The following GNA12 variants were observed in gnomAD, a reference collection of about 807,000 sequenced individuals.
The protein encoded by GNA12 is guanine nucleotide-binding protein subunit alpha-12.
In GNA12, 9 loss-of-function variants were observed where a neutral mutation model predicts 26.0. The observed-to-expected ratio is 0.35, with a 90% CI of 0.21 to 0.60. The LOEUF (loss-of-function observed/expected upper bound fraction) is 0.60, where lower values mean the gene tolerates loss of function less well. Ranked by LOEUF, GNA12 falls within the 20% of genes least tolerant of loss-of-function variation. The pLI is 0.78. For missense variants in GNA12, 405 were observed against 525.8 expected (o/e 0.77, Z 2.25); for synonymous variants, 264 against 219.6 (o/e 1.20, Z -1.79).
chr7:2,829,124 A>G (rs1168926370), intron 1 of GNA12, among the ~76,000 whole-genome samples: 1 of 152,096 alleles, frequency 6.6e-6, no homozygotes, highest in Non-Finnish European at 1.5e-5. Context: ...TCATTGTATG[A>G]AGTACAAAGG....
intron 1 of GNA12, among the ~76,000 whole-genome samples, chr7:2,802,818 T>C (rs1412923843): frequency 5.3e-5 from 8 of 152,192 alleles, no homozygotes; most frequent in Admixed American, 5.2e-4. Context: ...CGCCTCTTAG[T>C]TCCTCTCGAA....
chr7:2,784,123 ATTATT>A (rs1192692407), intron 2 of GNA12, among the ~76,000 whole-genome samples: 10 of 152,152 alleles, frequency 6.6e-5, no homozygotes, highest in East Asian at 1.9e-4. Context: ...CATTTATTTT[ATTATT>A]TTATTTTGAC....
intron 2 of GNA12, chr7:2,762,258 C>T (rs1791594567): frequency 4.7e-6 from 1 of 214,136 alleles, no homozygotes; most frequent in Non-Finnish European, 9.2e-6. Context: ...ACCACCCTGA[C>T]TTAGGGTCGT....
At chr7:2,800,779 T>C (rs765147623) in intron 1 of GNA12, among the ~76,000 whole-genome samples, 2 of 152,142 alleles carry the variant, frequency 1.3e-5, no homozygotes, top group Non-Finnish European at 2.9e-5. Context: ...GACTGGAATC[T>C]ACCTAGAGGG....
chr7:2,735,661 T>A (rs1474467762), intron 2 of GNA12, among the ~76,000 whole-genome samples: 1 of 152,232 alleles, frequency 6.6e-6, no homozygotes, highest in Admixed American at 6.5e-5. Context: ...GATGACTGAA[T>A]GAGGATGGCT....
At position 2,840,112 on chromosome 7, in the gene GNA12, C is replaced by G. The variant is rs545609032; in HGVS notation, c.309+3741G>C. Among the ~76,000 whole-genome samples the G allele has an allele frequency of 5.4e-4, 82 of 152,200 alleles. 1 individual carries two copies. The highest frequency in any genetic ancestry group is 2.7e-3 in the Admixed American group (42 of 15,282). ...CTGATGGAAAGGCTCTGTATCGTGACTGTATCGACGTCAATATCCTGGTTG... is the reference window on the plus strand; with the variant it reads ...CTGATGGAAAGGCTCTGTATCGTGAGTGTATCGACGTCAATATCCTGGTTG... On this transcript the variant is annotated intron_variant, in intron 1 of 3. Coordinates refer to ENST00000275364, the MANE Select transcript of GNA12 (RefSeq NM_007353.3).
chr7:2,749,258 AC>A lies in GNA12; in HGVS notation c.526-15758del, dbSNP rs553796528. Among the ~76,000 whole-genome samples the A allele has an allele frequency of 1.4e-3, 206 of 152,288 alleles. 2 individuals carry two copies. The highest frequency in any genetic ancestry group is 4.5e-3 in the African/African-American group (189 of 41,556). On this transcript the variant is annotated intron_variant, in intron 2 of 3. Coordinates refer to ENST00000275364, the MANE Select transcript of GNA12 (RefSeq NM_007353.3). ...TCACAATAGCAAAGACTTGGAACCA[AC>A]CCAAATGTCCAACAATGATAGACTG...
intron 1 of GNA12, among the ~76,000 whole-genome samples, chr7:2,819,039 C>A (rs897507855): frequency 6.6e-6 from 1 of 152,064 alleles, no homozygotes; most frequent in African/African-American, 2.4e-5. Context: ...TAAAATAGGG[C>A]GATTATTCTG....
intron 1 of GNA12, among the ~76,000 whole-genome samples, chr7:2,839,245 T>C (rs1237208526): frequency 6.6e-6 from 1 of 152,066 alleles, no homozygotes; most frequent in African/African-American, 2.4e-5. Context: ...ATCTTTTCTT[T>C]TTTTTTGAGG....
At chr7:2,787,769 C>CA (rs944583973) in intron 2 of GNA12, among the ~76,000 whole-genome samples, 84 of 152,360 alleles carry the variant, frequency 5.5e-4, no homozygotes, top group African/African-American at 2.0e-3. Flanking sequence ...GCCCAGCACT[C>CA]AGTCCCACGG....
chr7:2,790,526 G>A lies in GNA12; in HGVS notation c.525+4402C>T, dbSNP rs554426215. Among the ~76,000 whole-genome samples the A allele has an allele frequency of 3.9e-5, 6 of 152,346 alleles. No homozygotes were observed. In the South Asian group the frequency reaches 1.2e-3, roughly 32 times the overall value. On this transcript the variant is annotated intron_variant, in intron 2 of 3. Coordinates refer to ENST00000275364, the MANE Select transcript of GNA12 (RefSeq NM_007353.3). Reference sequence around the variant, plus strand: ...ACTTCAGCACAGGGCCTGGCACACAGAAAGGACTCACTGAAAGAATACCCT... The same window carrying A: ...ACTTCAGCACAGGGCCTGGCACACAAAAAGGACTCACTGAAAGAATACCCT...
chr7:2,799,442 C>T (rs1020303298), intron 1 of GNA12, among the ~76,000 whole-genome samples: 2 of 152,064 alleles, frequency 1.3e-5, no homozygotes, highest in African/African-American at 2.4e-5. Context: ...ATTAGGCAGG[C>T]ATGGTGGCAC....
At chr7:2,794,689 C>T (rs1051340169) in intron 2 of GNA12, 33 of 544,848 alleles carry the variant, frequency 6.1e-5, no homozygotes, top group African/African-American at 5.1e-4. Flanking sequence ...AAGAACCCTC[C>T]GTATTCCCAG....
At chr7:2,748,263 T>C (rs1790863951) in intron 2 of GNA12, among the ~76,000 whole-genome samples, 1 of 151,926 alleles carries the variant, frequency 6.6e-6, no homozygotes, top group South Asian at 2.1e-4. Flanking sequence ...CAAACTATAC[T>C]ACAAGGCTAC....
intron 2 of GNA12, among the ~76,000 whole-genome samples, chr7:2,738,193 T>A (rs1350212701): frequency 6.6e-6 from 1 of 151,902 alleles, no homozygotes; most frequent in Non-Finnish European, 1.5e-5. Flanking sequence ...GCCGAGGCAA[T>A]CACTTGAGGT....
At chr7:2,834,652 A>T (rs1401685626) in intron 1 of GNA12, among the ~76,000 whole-genome samples, 1 of 152,226 alleles carries the variant, frequency 6.6e-6, no homozygotes, top group Non-Finnish European at 1.5e-5. Flanking sequence ...CTGCATAATG[A>T]TGTTTTGGTA....
At chr7:2,765,591 T>C (rs1412325704) in intron 2 of GNA12, among the ~76,000 whole-genome samples, 2 of 151,826 alleles carry the variant, frequency 1.3e-5, no homozygotes, top group Non-Finnish European at 2.9e-5. Flanking sequence ...CAAGACGAGG[T>C]AGGGAGTTCT....
At chr7:2,824,101 A>T (rs1316951439) in intron 1 of GNA12, among the ~76,000 whole-genome samples, 28 of 152,306 alleles carry the variant, frequency 1.8e-4, no homozygotes, top group Non-Finnish European at 1.0e-4. Flanking sequence ...ACACTTTCAC[A>T]ACATTTCTAG....
chr7:2,806,457 C>CAAAAAAAAAAAAA (rs34036056), intron 1 of GNA12, among the ~76,000 whole-genome samples: 132 of 80,238 alleles, frequency 1.6e-3, no homozygotes, highest in Non-Finnish European at 2.1e-3. Context: ...GACTCTGTCT[C>CAAAAAAAAAAAAA]AAAAAAAAAA....
Sources: allele counts gnomAD v4.1 joint callset (sites outside exome capture counted in the v4.1 genomes callset), GRCh38; gene constraint gnomAD v4.1.1; transcripts MANE v1.5; gene names NCBI Gene and HGNC (gene_info 2026-07-23, HGNC 2026-07-21).